The following ROBO2 variants were observed in gnomAD, a reference collection of about 807,000 sequenced individuals.
ROBO2 encodes the protein roundabout guidance receptor 2.
A neutral mutation model predicts 160.8 loss-of-function variants in ROBO2; 53 were observed. The ratio of observed to expected loss-of-function variants is 0.33; its 90% CI spans 0.26 to 0.41. The LOEUF is 0.41. Ranked by LOEUF, ROBO2 falls within the 10% of genes least tolerant of loss-of-function variation. ROBO2 has a pLI of 1.00. For missense variants in ROBO2, 1,577 were observed against 1,722.4 expected (o/e 0.92, Z 1.49); for synonymous variants, 664 against 611.7 (o/e 1.09, Z -1.26).
intron 2 of ROBO2, among the ~76,000 whole-genome samples, chr3:76,983,129 C>T (rs6804604): frequency 0.032 from 4,832 of 151,730 alleles, 255 homozygotes; most frequent in African/African-American, 0.11. Context: ...ACTAAAAATA[C>T]AAAAAATTAG....
At chr3:76,369,311 C>T (rs2075986088) in intron 2 of ROBO2, among the ~76,000 whole-genome samples, 1 of 151,964 alleles carries the variant, frequency 6.6e-6, no homozygotes, top group Admixed American at 6.6e-5. Context: ...TCTCCTGGTT[C>T]CCCGGTTTCC....
At chr3:77,301,039 T>C (rs2153412297) in intron 2 of ROBO2, among the ~76,000 whole-genome samples, 1 of 150,908 alleles carries the variant, frequency 6.6e-6, no homozygotes. Context: ...CAGCTAACTT[T>C]TGTATTTTTA....
intron 2 of ROBO2, among the ~76,000 whole-genome samples, chr3:76,398,632 T>C (rs2077622905): frequency 6.6e-6 from 1 of 151,364 alleles, no homozygotes. Flanking sequence ...TAAACTAATA[T>C]AAATTATAGT....
At chr3:77,053,095 A>G (rs1329465975) in intron 1 of ROBO2, among the ~76,000 whole-genome samples, 1 of 152,180 alleles carries the variant, frequency 6.6e-6, no homozygotes, top group Non-Finnish European at 1.5e-5. Context: ...TGTACATGGC[A>G]CTGTTCAAAT....
chr3:76,458,845 A>T (rs769048066), intron 2 of ROBO2, among the ~76,000 whole-genome samples: 10 of 152,160 alleles, frequency 6.6e-5, no homozygotes, highest in Non-Finnish European at 1.3e-4. Context: ...CTATCATGAA[A>T]ATAGCATGGG....
At chr3:76,462,168 G>A (rs529125471) in intron 2 of ROBO2, among the ~76,000 whole-genome samples, 1 of 152,120 alleles carries the variant, frequency 6.6e-6, no homozygotes, top group Admixed American at 6.6e-5. Context: ...AAGACTATTA[G>A]GAGAAATAAG....
intron 2 of ROBO2, among the ~76,000 whole-genome samples, chr3:76,849,662 T>C (rs2069127095): frequency 6.6e-6 from 1 of 152,196 alleles, no homozygotes; most frequent in Non-Finnish European, 1.5e-5. Flanking sequence ...GGCATAATTA[T>C]GGTAACAAGT....
intron 2 of ROBO2, among the ~76,000 whole-genome samples, chr3:76,758,347 G>T (rs1186794646): frequency 1.3e-5 from 2 of 151,742 alleles, no homozygotes; most frequent in African/African-American, 4.8e-5. Flanking sequence ...TAAAACAGAG[G>T]AATTGTCTTT....
chr3:77,442,041 G>A (rs1449786129), intron 2 of ROBO2, among the ~76,000 whole-genome samples: 2 of 152,076 alleles, frequency 1.3e-5, no homozygotes, highest in African/African-American at 2.4e-5. Context: ...GGCCGGGCGC[G>A]GTGGCTCACG....
At position 76,386,574 on chromosome 3, in the gene ROBO2, T is replaced by C. The variant is rs557488007; in HGVS notation, c.109+448972T>C. On this transcript the variant is annotated intron_variant, in intron 2 of 26. Transcript: ENST00000487694. ...GTTGCAAGCCATTGTGTTCCCTTCT[T>C]CAAAATGAGGCCAATTGTCTATGTT... is the stretch of plus-strand genomic sequence containing the variant. Among the ~76,000 whole-genome samples the C allele has an allele frequency of 2.6e-5, 4 of 152,182 alleles. 1 individual carries two copies. The highest frequency in any genetic ancestry group is 9.6e-5 in the African/African-American group (4 of 41,516).
chr3:77,551,052 A>T, intron 8 of ROBO2, 63 bp downstream of exon 9: 13 of 1,547,812 alleles, frequency 8.4e-6, no homozygotes, highest in Non-Finnish European at 1.2e-5. Context: ...GATACACGTT[A>T]ACCATGTGGA....
chr3:77,548,907 T>C (rs2092806055), intron 7 of ROBO2, among the ~76,000 whole-genome samples: 1 of 151,932 alleles, frequency 6.6e-6, no homozygotes, highest in Non-Finnish European at 1.5e-5. Flanking sequence ...TGAATTGGGA[T>C]ATTGGGAAAA....
chr3:76,738,282 G>T (rs572549341), intron 2 of ROBO2, among the ~76,000 whole-genome samples: 227 of 152,262 alleles, frequency 1.5e-3, no homozygotes, highest in Admixed American at 4.1e-3. Flanking sequence ...CTTATGTTTT[G>T]GGGGAGCCAC....
chr3:76,459,313 A>G (rs1482099463), intron 2 of ROBO2, among the ~76,000 whole-genome samples: 1 of 152,226 alleles, frequency 6.6e-6, no homozygotes, highest in African/African-American at 2.4e-5. Context: ...AAAGATCTAG[A>G]TGCAGATGCA....
At chr3:76,612,797 T>C (rs2088238435) in intron 2 of ROBO2, among the ~76,000 whole-genome samples, 1 of 152,230 alleles carries the variant, frequency 6.6e-6, no homozygotes, top group Non-Finnish European at 1.5e-5. Context: ...TTATATCCTC[T>C]TGTCTAATTG....
intron 1 of ROBO2, among the ~76,000 whole-genome samples, chr3:77,044,398 T>C (rs1457671074): frequency 6.6e-6 from 1 of 152,200 alleles, no homozygotes; most frequent in African/African-American, 2.4e-5. Context: ...TTACTTCCCA[T>C]GTGCAATTTG....
intron 2 of ROBO2, among the ~76,000 whole-genome samples, chr3:75,988,034 G>A (rs1047219492): frequency 1.3e-5 from 2 of 151,864 alleles, no homozygotes; most frequent in Non-Finnish European, 1.5e-5. Context: ...TTGGTAGTAG[G>A]GTAATGCTGG....
rs374312988 is a variant in ROBO2 at position 76,570,546 on chromosome 3, A to G, written c.110-527468A>G. ...CACACAATCTTTTAAAATAAAATCAATGTGTTGATTTAAAACAAAAGCTTT... is the reference window on the plus strand; with the variant it reads ...CACACAATCTTTTAAAATAAAATCAGTGTGTTGATTTAAAACAAAAGCTTT... On this transcript the variant is annotated intron_variant, in intron 2 of 26. Coordinates refer to the ROBO2 transcript ENST00000487694. Among the ~76,000 whole-genome samples the G allele has an allele frequency of 2.8e-4, 42 of 152,330 alleles. 2 individuals are homozygous for G. The highest frequency in any genetic ancestry group is 2.7e-3 in the South Asian group (13 of 4,826).
At chr3:77,170,654 T>G (rs1253630545) in intron 2 of ROBO2, among the ~76,000 whole-genome samples, 1 of 152,134 alleles carries the variant, frequency 6.6e-6, no homozygotes, top group Non-Finnish European at 1.5e-5. Flanking sequence ...TGGTTTCTAT[T>G]TAAATGGCAT....
Sources: gnomAD v4.1 joint callset for allele counts (sites outside exome capture counted in the v4.1 genomes callset) on GRCh38, gnomAD v4.1.1 for gene constraint, MANE v1.5 for transcripts, NCBI Gene and HGNC (gene_info 2026-07-23, HGNC 2026-07-21) for gene names.